MAP4: variants seen among roughly 807,000 people sequenced by gnomAD.
The protein encoded by MAP4 is microtubule-associated protein 4.
Under a neutral mutation model 170.2 loss-of-function variants are expected in MAP4, and 76 were observed. That is an observed-to-expected ratio of 0.45 (90% confidence interval 0.37 to 0.54). The LOEUF (loss-of-function observed/expected upper bound fraction) is 0.54, where lower values mean the gene tolerates loss of function less well. Ranked by LOEUF, MAP4 falls within the 20% of genes least tolerant of loss-of-function variation. The pLI, the probability that MAP4 is intolerant of heterozygous loss-of-function variation, is 0.00. For synonymous variants in MAP4, 909 were observed against 994.5 expected, an observed-to-expected ratio of 0.91 and a Z score of 1.62; for missense variants, 2,506 against 2,748.0, an observed-to-expected ratio of 0.91 and a Z score of 1.97.
intron 1 of MAP4, among the ~76,000 whole-genome samples, chr3:48,076,516 AAAG>A (rs2100143994): frequency 6.6e-6 from 1 of 151,532 alleles, no homozygotes; most frequent in African/African-American, 2.4e-5. Context: ...AAAAAAAAAA[AAAG>A]GTTACCAAAA....
intron 1 of MAP4, among the ~76,000 whole-genome samples, chr3:48,087,603 A>G (rs919331878): frequency 1.3e-5 from 2 of 152,254 alleles, no homozygotes; most frequent in South Asian, 4.1e-4. Context: ...AATTACAAGC[A>G]CAAATATCCC....
At chr3:47,973,670 A>C in intron 3 of MAP4, 2 of 985,438 alleles carry the variant, frequency 2.0e-6, no homozygotes, top group Non-Finnish European at 2.4e-6. Flanking sequence ...ACGGAAAGTC[A>C]TACCCAGGCT....
At chr3:48,065,140 G>C (rs2100137749) in intron 1 of MAP4, among the ~76,000 whole-genome samples, 1 of 151,830 alleles carries the variant, frequency 6.6e-6, no homozygotes, top group Non-Finnish European at 1.5e-5. Context: ...TTAAAAAAAA[G>C]AAAAGTCTAT....
intron 2 of MAP4, among the ~76,000 whole-genome samples, chr3:47,985,237 G>A (rs575965495): frequency 3.9e-5 from 6 of 151,914 alleles, no homozygotes; most frequent in Non-Finnish European, 5.9e-5. Context: ...CCAAGATGGT[G>A]CCACTGCACT....
chr3:48,058,736 G>A (rs952122517), intron 1 of MAP4, among the ~76,000 whole-genome samples: 1 of 152,106 alleles, frequency 6.6e-6, no homozygotes, highest in African/African-American at 2.4e-5. Flanking sequence ...GTCTTTTCCT[G>A]CATAAACACC....
rs573227310 is a variant in MAP4, at chr3:47,930,174, G to A, written c.293-1824C>T. 2.4e-3 allele frequency among the ~76,000 whole-genome samples: 368 copies of A among 152,064 alleles called. 1 individual carries two copies. The highest frequency in any genetic ancestry group is 8.4e-3 in the African/African-American group (348 of 41,500). The stretch of plus-strand genomic sequence containing the variant: ...AAAAAACAAAAGACAGGCCGGGCGC[G>A]GTGGCTCACGCCTGTAATCCCAGCA... On this transcript the variant is annotated intron_variant, in intron 3 of 20. Coordinates refer to ENST00000683076, the MANE Select transcript of MAP4 (RefSeq NM_001385682.1).
At chr3:47,895,211 A>T (rs1013035209) in intron 10 of MAP4, among the ~76,000 whole-genome samples, 5 of 152,188 alleles carry the variant, frequency 3.3e-5, no homozygotes, top group Non-Finnish European at 7.3e-5. Flanking sequence ...GAAAAAATTA[A>T]TTTGACTTTG....
At chr3:47,871,884 C>G in intron 13 of MAP4, 33 bp downstream of exon 13, 1 of 1,581,734 alleles carries the variant, frequency 6.3e-7, no homozygotes, top group Non-Finnish European at 8.6e-7. Context: ...TTTCCCCTCC[C>G]TAGTTCCCAT....
At chr3:48,034,528 C>T (rs911135885) in intron 1 of MAP4, among the ~76,000 whole-genome samples, 1 of 151,494 alleles carries the variant, frequency 6.6e-6, no homozygotes, top group Non-Finnish European at 1.5e-5. Flanking sequence ...CATAGTGAAA[C>T]CCCGTCTCTA....
intron 3 of MAP4, among the ~76,000 whole-genome samples, chr3:47,959,177 T>C (rs1002961535): frequency 3.3e-5 from 5 of 151,864 alleles, no homozygotes; most frequent in Non-Finnish European, 7.4e-5. Context: ...TGTATATACA[T>C]GAAGGTGGCC....
At chr3:47,978,382 A>T (rs772748110) in intron 2 of MAP4, among the ~76,000 whole-genome samples, 1 of 151,978 alleles carries the variant, frequency 6.6e-6, no homozygotes, top group Non-Finnish European at 1.5e-5. Context: ...CCATGGTGCA[A>T]CCTCGGCTCA....
chr3:48,073,986 G>A (rs897052916), intron 1 of MAP4, among the ~76,000 whole-genome samples: 1 of 152,016 alleles, frequency 6.6e-6, no homozygotes, highest in Non-Finnish European at 1.5e-5. Flanking sequence ...TAAATCATGT[G>A]TCTTTTAAAG....
chr3:47,895,456 C>T (rs2100026320), intron 10 of MAP4, among the ~76,000 whole-genome samples: 1 of 152,226 alleles, frequency 6.6e-6, no homozygotes, highest in African/African-American at 2.4e-5. Flanking sequence ...CTCCACTAGG[C>T]AGTATCTTCA....
intron 4 of MAP4, among the ~76,000 whole-genome samples, chr3:47,926,131 C>T (rs986645837): frequency 3.9e-5 from 6 of 151,954 alleles, no homozygotes; most frequent in Admixed American, 6.6e-5. Context: ...GCTGGGATTA[C>T]AGGCGTGAGC....
chr3:47,892,676 A>G (rs528399600), intron 10 of MAP4: 56 of 1,378,606 alleles, frequency 4.1e-5, no homozygotes, highest in Non-Finnish European at 5.2e-5. Context: ...TGAAAGAAAG[A>G]AAGAAAGGAA....
In MAP4 at chr3:48,046,208, TTCTC is replaced by T. The variant is rs566076082; in HGVS notation, c.-20+42561_-20+42564del. ...CTGAACTTTCATCTTTTTCGGCCAA[TTCTC>T]TCTATCGGTTATCGATTTTTCTTAA... On this transcript the variant is annotated intron_variant, in intron 1 of 18. Coordinates refer to the MAP4 transcript ENST00000360240. 9.0e-4 allele frequency among the ~76,000 whole-genome samples: 137 copies of T among 152,292 alleles called. 1 individual carries two copies. The highest frequency in any genetic ancestry group is 2.8e-3 in the African/African-American group (118 of 41,560).
intron 3 of MAP4, among the ~76,000 whole-genome samples, chr3:47,939,077 C>CCT (rs2100054761): frequency 6.6e-6 from 1 of 152,334 alleles, no homozygotes; most frequent in South Asian, 2.1e-4. Flanking sequence ...TGCCCCTGTG[C>CCT]CTTTGCTCAT....
At chr3:47,999,980 C>T (rs1197668957) in intron 1 of MAP4, among the ~76,000 whole-genome samples, 3 of 151,540 alleles carry the variant, frequency 2.0e-5, no homozygotes, top group African/African-American at 7.3e-5. Context: ...TTTGGGAGGC[C>T]GAGGCAGGAG....
intron 12 of MAP4, among the ~76,000 whole-genome samples, chr3:47,873,446 TAA>T (rs1559850369): frequency 6.6e-6 from 1 of 152,124 alleles, no homozygotes; most frequent in Admixed American, 6.6e-5. Flanking sequence ...GAAGTGGCTA[TAA>T]AGAGGGCAGT....
Sources: allele counts gnomAD v4.1 joint callset (sites outside exome capture counted in the v4.1 genomes callset), GRCh38; gene constraint gnomAD v4.1.1; transcripts MANE v1.5; gene names NCBI Gene and HGNC (gene_info 2026-07-23, HGNC 2026-07-21).